HIPK1: variants seen among roughly 807,000 people sequenced by gnomAD.
HIPK1 encodes homeodomain interacting protein kinase 1, also known as homeodomain-interacting protein kinase 1.
Under a neutral mutation model 117.1 loss-of-function variants are expected in HIPK1, and 28 were observed. The ratio of observed to expected loss-of-function variants is 0.24; its 90% confidence interval spans 0.18 to 0.33. The LOEUF is 0.33. Among genes scored for constraint, HIPK1 ranks in the 10% least tolerant of loss-of-function variants. The pLI, the probability that HIPK1 is intolerant of heterozygous loss-of-function variation, is 1.00. For missense variants in HIPK1, 1,122 were observed against 1,475.1 expected (o/e 0.76, Z 3.92); for synonymous variants, 605 against 562.5 (o/e 1.08, Z -1.07).
intron 11 of HIPK1, among the ~76,000 whole-genome samples, chr1:113,967,540 A>G (rs1475882471): frequency 2.6e-5 from 4 of 152,098 alleles, no homozygotes; most frequent in Non-Finnish European, 2.9e-5. Flanking sequence ...GAAAATGTCT[A>G]TTCAATTCTT....
rs2101299140 is a variant in HIPK1 at position 113,952,849 on chromosome 1, T to A, written c.1160T>A (p.Leu387Gln). 6.5e-7 allele frequency: 1 copy of A among 1,549,394 alleles called. No individual in the cohort carries two copies. The highest frequency in any genetic ancestry group is 8.7e-7 in the Non-Finnish European group (1 of 1,145,490). Reference sequence around the variant, plus strand: ...GGCTGTGTGATAGCTGAGCTGTTCCTGGGATGGCCTCTTTATCCTGGTGCT... The same window carrying A: ...GGCTGTGTGATAGCTGAGCTGTTCCAGGGATGGCCTCTTTATCCTGGTGCT... ...SLGCVIAELF[L>Q]GWPLYPGASE... The change falls in exon 3 of 16, where the codon CTG becomes CAG. Residue 387 changes from leucine to glutamine, a missense_variant. Physicochemically the swap from Leu to Gln is moderately radical, Grantham distance 113. Transcript: ENST00000426820.
chr1:113,970,065 C>G lies in HIPK1; in HGVS notation c.2881C>G (p.Leu961Val), dbSNP rs1190257603. ...TTATTCCACTGATACCCTGAGTGCTCTCCGAGGCAATAGTGGATCCGTTTT... is the reference window on the plus strand; with the variant it reads ...TTATTCCACTGATACCCTGAGTGCTGTCCGAGGCAATAGTGGATCCGTTTT... ...SPYSTDTLSA[L>V]RGNSGSVLEG... is the part of the protein sequence containing the mutation. The change falls in exon 14 of 16, where the codon CTC becomes GTC. Residue 961 changes from leucine (L) to valine (V), a missense_variant. By Grantham distance (32) the Leu-to-Val change is conservative. Coordinates refer to ENST00000426820, the MANE Select transcript of HIPK1 (RefSeq NM_198268.3). The G allele has an allele frequency of 2.5e-6, 4 of 1,614,198 alleles. No individual in the cohort carries two copies. The highest frequency in any genetic ancestry group is 2.5e-6 in the Non-Finnish European group (3 of 1,180,046).
intron 9 of HIPK1, 32 bp from the exon 10 acceptor site, chr1:113,963,355 T>A (rs1272953448): frequency 6.2e-7 from 1 of 1,609,548 alleles, no homozygotes; most frequent in Non-Finnish European, 8.5e-7. Flanking sequence ...CCTCCGTGTT[T>A]GTTTCACTCA....
intron 10 of HIPK1, 72 bp from the exon 11 acceptor site, chr1:113,966,058 T>C: frequency 6.8e-7 from 1 of 1,464,362 alleles, no homozygotes; most frequent in Non-Finnish European, 9.3e-7. Flanking sequence ...AATTTTTCTT[T>C]CTTTAAAAAA....
intron 2 of HIPK1, among the ~76,000 whole-genome samples, chr1:113,952,196 C>T (rs973864586): frequency 1.3e-5 from 2 of 152,004 alleles, no homozygotes; most frequent in Non-Finnish European, 2.9e-5. Context: ...GCTTCGGCTT[C>T]CCAAAGTGCT....
Position 113,954,908 on chromosome 1 carries a change from T to C in HIPK1, c.1320+138T>C, listed in dbSNP as rs1197921019. On this transcript the variant is annotated intron_variant, in intron 4 of 15. Coordinates refer to ENST00000426820, the MANE Select transcript of HIPK1 (RefSeq NM_198268.3). ...GAAGCATTTTGAAAAATTATTTCTT[T>C]GTACCTGTTTGGCCTTATCCTCAGT... The C allele has an allele frequency of 1.3e-5, 10 of 770,454 alleles. No individual in the cohort carries two copies. The East Asian group carries it at 2.6e-4, about 20-fold the overall frequency. 47.7% of individuals were successfully genotyped at this position (770,454 alleles called of 1,614,324 possible).
At chr1:113,959,878 A>G (rs1671982463) in intron 8 of HIPK1, among the ~76,000 whole-genome samples, 1 of 152,216 alleles carries the variant, frequency 6.6e-6, no homozygotes, top group Non-Finnish European at 1.5e-5. Context: ...GTATTAATTT[A>G]TCTTCACTAA....
In HIPK1 at chr1:113,966,281, C is replaced by G. The variant is rs1353385969; in HGVS notation, c.2381+9C>G. 19 of 1,610,602 alleles carry G rather than the reference C, an allele frequency of 1.2e-5. No homozygotes were observed. Among genetic ancestry groups the G allele is most frequent in the Non-Finnish European group, 1.4e-5 (16 of 1,178,432 alleles). On this transcript the variant is annotated intron_variant, in intron 11 of 15. Coordinates refer to ENST00000426820, the MANE Select transcript of HIPK1 (RefSeq NM_198268.3). ...CAGCTAGCTGACTGGAGGCAAGTGT[C>G]CTGTGTTACTCTGGGAGATTTGTAA... is the stretch of plus-strand genomic sequence containing the variant.
intron 11 of HIPK1, among the ~76,000 whole-genome samples, chr1:113,966,834 T>C (rs1672478763): frequency 6.6e-6 from 1 of 151,376 alleles, no homozygotes; most frequent in South Asian, 2.1e-4. Flanking sequence ...GTAGTTCTTA[T>C]TCTTTTTTTT....
In HIPK1 at chr1:113,952,665, A is replaced by T. The variant is rs1571690143; in HGVS notation, c.1077-101A>T. Reference sequence around the variant, plus strand: ...GATTTTTTTTCCATTTCATTGAATAAATGTTCCTTTAGCTAATACTAAAAC... The same window carrying T: ...GATTTTTTTTCCATTTCATTGAATATATGTTCCTTTAGCTAATACTAAAAC... On this transcript the variant is annotated intron_variant, in intron 2 of 15. Coordinates refer to ENST00000426820, the MANE Select transcript of HIPK1 (RefSeq NM_198268.3). 9 of 873,756 alleles carry T rather than the reference A, an allele frequency of 1.0e-5. No homozygotes were observed. In the East Asian group the frequency reaches 2.9e-4, roughly 28 times the overall value. The allele number at this position is 873,756 out of a possible 1,614,324, so 54.1% of individuals were successfully genotyped here. A position where few individuals can be genotyped will look rare whatever the true frequency, so the allele number is the denominator to read the frequency against.
rs765198566 is a variant in HIPK1, at chr1:113,973,433, T to C, written c.3554T>C (p.Ile1185Thr). ...CACCAGTTTGCCACCCAATCCTACA[T>C]TGGGTCTTCCCGAGGCTCAACAATT... ...YQHQFATQSY[I>T]GSSRGSTIYT... The change falls in exon 16 of 16, where the codon ATT becomes ACT. Residue 1185 changes from isoleucine to threonine, a missense_variant. Physicochemically the swap from Ile to Thr is moderately conservative, Grantham distance 89. Coordinates refer to ENST00000426820, the MANE Select transcript of HIPK1 (RefSeq NM_198268.3). The C allele has an allele frequency of 6.2e-6, 10 of 1,613,922 alleles. No individual in the cohort carries two copies. The highest frequency in any genetic ancestry group is 1.7e-5 in the Admixed American group (1 of 59,978).
intron 2 of HIPK1, among the ~76,000 whole-genome samples, chr1:113,947,208 T>G (rs528990199): frequency 5.3e-5 from 8 of 152,318 alleles, no homozygotes; most frequent in Admixed American, 2.6e-4. Context: ...AATAATATAC[T>G]TTACTCTCTG....
chr1:113,940,366 C>CT lies in HIPK1; in HGVS notation c.-2-13dup, dbSNP rs769258417. The CT allele has an allele frequency of 1.7e-5, 26 of 1,551,790 alleles. No individual in the cohort carries two copies. In the Middle Eastern group the frequency reaches 5.2e-4, roughly 31 times the overall value. On this transcript the variant is annotated splice_polypyrimidine_tract_variant and intron_variant, in intron 1 of 15. Transcript: ENST00000426820. Reference sequence around the variant, plus strand: ...TTTTATCCTTGTGGTCTAATTCTTCCTTTCTCTCAATATAGGTATGGCATC... The same window carrying CT: ...TTTTATCCTTGTGGTCTAATTCTTCCTTTTCTCTCAATATAGGTATGGCATC...
rs1437376417 is a variant in HIPK1 at position 113,956,871 on chromosome 1, T to C, written c.1592+60T>C. The stretch of plus-strand genomic sequence containing the variant: ...GGTTCTTTGTTGAGTTACCGCCTTA[T>C]CAATGGCACTATCAAATGAGCCCGC... On this transcript the variant is annotated intron_variant, in intron 6 of 15. Transcript: ENST00000426820. The C allele has an allele frequency of 3.4e-6, 5 of 1,456,224 alleles. No individual in the cohort carries two copies. In the East Asian group the frequency reaches 9.1e-5, roughly 26 times the overall value. 90.2% of individuals were successfully genotyped at this position (1,456,224 alleles called of 1,614,324 possible).
chr1:113,968,059 C>A, intron 12 of HIPK1, 111 bp downstream of exon 12: 1 of 940,918 alleles, frequency 1.1e-6, no homozygotes. Context: ...CAGCAAGTAG[C>A]TGCCAAATTG....
chr1:113,963,310 G>A, intron 9 of HIPK1, 77 bp from the exon 10 acceptor site: 2 of 1,503,026 alleles, frequency 1.3e-6, no homozygotes, highest in East Asian at 2.3e-5. Context: ...AATAACTTGG[G>A]GGGAATGAGA....
intron 1 of HIPK1, among the ~76,000 whole-genome samples, chr1:113,938,181 G>A (rs1670373101): frequency 6.6e-6 from 1 of 150,798 alleles, no homozygotes; most frequent in African/African-American, 2.4e-5. Flanking sequence ...TGTTGCTCTG[G>A]CTGGTCTTGA....
Position 113,940,445 on chromosome 1 carries a change from C to T in HIPK1, c.62C>T (p.Ala21Val), listed in dbSNP as rs764379807. The T allele has an allele frequency of 3.7e-6, 6 of 1,613,968 alleles. No homozygotes were observed. In the South Asian group the frequency reaches 4.4e-5, roughly 12 times the overall value. ...PSVSSSAFCS[A>V]KKLKIEPSGW... ...GTGTCGTCGAGTGCCTTCTGCAGTGCGAAGAAACTGAAAATAGAGCCCTCT... is the reference window on the plus strand; with the variant it reads ...GTGTCGTCGAGTGCCTTCTGCAGTGTGAAGAAACTGAAAATAGAGCCCTCT... The change falls in exon 2 of 16, where the codon GCG becomes GTG. Residue 21 changes from alanine (A) to valine (V), a missense_variant. This residue lies in a region of HIPK1 where 192 missense variants were observed against 234.0 expected (regional missense o/e 0.82). Coordinates refer to ENST00000426820, the MANE Select transcript of HIPK1 (RefSeq NM_198268.3).
chr1:113,938,102 C>G (rs912046455), intron 1 of HIPK1, among the ~76,000 whole-genome samples: 1 of 151,138 alleles, frequency 6.6e-6, no homozygotes, highest in Non-Finnish European at 1.5e-5. Flanking sequence ...GTAGCTGGGA[C>G]CACAGGCATG....
Sources: allele counts gnomAD v4.1 joint callset (sites outside exome capture counted in the v4.1 genomes callset), GRCh38; gene constraint gnomAD v4.1.1; regional missense constraint gnomAD v4.1.1; transcripts MANE v1.5; gene names NCBI Gene and HGNC (gene_info 2026-07-23, HGNC 2026-07-21).